The following C8orf82 variants were observed in gnomAD, a reference collection of about 807,000 sequenced individuals.
C8orf82 encodes the protein chromosome 8 open reading frame 82.
A neutral mutation model predicts 15.0 loss-of-function variants in C8orf82; 24 were observed. That is an observed-to-expected ratio of 1.60 (90% confidence interval 1.16 to 2.24). The LOEUF is 2.24. Ranked by LOEUF, C8orf82 falls within the 30% of genes most tolerant of loss-of-function variation. The probability of loss-of-function intolerance (pLI) is 0.00; values close to 1 mark genes in which losing one functional copy is unlikely to be tolerated. For synonymous variants in C8orf82, 205 were observed against 152.2 expected, an observed-to-expected ratio of 1.35 and a Z score of -2.55; for missense variants, 388 against 317.4, an observed-to-expected ratio of 1.22 and a Z score of -1.69.
chr8:144,527,330 C>A lies in C8orf82; in HGVS notation c.*12G>T. ...AGGCGCCCGCGGCCTCCCGCCTTTC[C>A]CTTGGCCCCGCTCAGGGCGACCGAG... On this transcript the variant is annotated 3_prime_UTR_variant, in exon 3 of 3. Coordinates refer to ENST00000524821, the MANE Select transcript of C8orf82 (RefSeq NM_001001795.2). The A allele has an allele frequency of 8.5e-7, 1 of 1,171,090 alleles. No homozygotes were observed. Among genetic ancestry groups the A allele is most frequent in the South Asian group, 3.5e-5 (1 of 28,566 alleles). 72.5% of individuals were successfully genotyped at this position (1,171,090 alleles called of 1,614,324 possible). A position where few individuals can be genotyped will look rare whatever the true frequency, so the allele number is the denominator to read the frequency against.
At chr8:144,528,460 C>T (rs1435651618) in intron 1 of C8orf82, 7 of 1,474,874 alleles carry the variant, frequency 4.7e-6, no homozygotes, top group Non-Finnish European at 6.3e-6. Context: ...AAGTCAGCGC[C>T]GGGGCTGGGG....
Position 144,528,846 on chromosome 8 carries a change from C to G in C8orf82, c.71G>C (p.Gly24Ala). ...CTGCGTGTAGGAAACGCCCCCATCC[C>G]CGCTGCAGGCCCGGGCTCCCCGCGA... ...ARSRGARACS[G>A]DGGVSYTQGQ... The change falls in exon 1 of 3, where the codon GGG becomes GCG. Residue 24 changes from glycine (G) to alanine (A), a missense_variant. By Grantham distance (60) the Gly-to-Ala change is moderately conservative. Transcript: ENST00000524821. 1 of 1,519,488 alleles carries G rather than the reference C, an allele frequency of 6.6e-7. No individual in the cohort carries two copies. The allele number at this position is 1,519,488 out of a possible 1,614,324, so 94.1% of individuals were successfully genotyped here. A position where few individuals can be genotyped will look rare whatever the true frequency, so the allele number is the denominator to read the frequency against.
At position 144,527,193 on chromosome 8, in the gene C8orf82, C is replaced by G; in HGVS notation, c.*149G>C. The G allele has an allele frequency of 2.1e-6, 1 of 468,906 alleles. No individual in the cohort carries two copies. Among genetic ancestry groups the G allele is most frequent in the Non-Finnish European group, 3.0e-6 (1 of 329,326 alleles). The allele number at this position is 468,906 out of a possible 1,614,324, so 29.0% of individuals were successfully genotyped here. ...CCGGGAGGGCCGGGCCGCGGCAGCACCAAGGACAGCGCCGGGTGGGGGCGG... is the reference window on the plus strand; with the variant it reads ...CCGGGAGGGCCGGGCCGCGGCAGCAGCAAGGACAGCGCCGGGTGGGGGCGG... On this transcript the variant is annotated 3_prime_UTR_variant, in exon 3 of 3. Transcript: ENST00000524821.
chr8:144,526,298 A>T lies in C8orf82; in HGVS notation c.*1044T>A, dbSNP rs184782222. ...CCCAGATGTCTCAGGACGCGTGTGA[A>T]CCCCAAGAAGTTGGGGGCGTTATCT... On this transcript the variant is annotated 3_prime_UTR_variant, in exon 3 of 3. Transcript: ENST00000524821. 52 of 152,304 alleles carry T rather than the reference A, an allele frequency of 3.4e-4. No homozygotes were observed. The highest frequency in any genetic ancestry group is 3.1e-3 in the Admixed American group (48 of 15,306). 9.4% of individuals were successfully genotyped at this position (152,304 alleles called of 1,614,324 possible). A position where few individuals can be genotyped will look rare whatever the true frequency, so the allele number is the denominator to read the frequency against.
Position 144,527,442 on chromosome 8 carries a change from G to T in C8orf82, c.551C>A (p.Pro184His). ...FELSACFEYGPGAPALPSHVR... is the reference protein window; with the variant it reads ...FELSACFEYGHGAPALPSHVR... The stretch of plus-strand genomic sequence containing the variant: ...GTGCGAGGGCAGCGCAGGCGCGCCG[G>T]GCCCGTACTCGAAGCAGGCGCTGAG... The change falls in exon 3 of 3, where the codon CCC becomes CAC. Residue 184 changes from proline to histidine, a missense_variant. Physicochemically the swap from Pro to His is moderately conservative, Grantham distance 77. Coordinates refer to ENST00000524821, the MANE Select transcript of C8orf82 (RefSeq NM_001001795.2). The T allele has an allele frequency of 8.1e-7, 1 of 1,240,424 alleles. No individual in the cohort carries two copies. The highest frequency in any genetic ancestry group is 1.0e-6 in the Non-Finnish European group (1 of 989,848). 76.8% of individuals were successfully genotyped at this position (1,240,424 alleles called of 1,614,324 possible).
chr8:144,528,616 C>CCCGGGGGGGGGGGGG, intron 1 of C8orf82, 145 bp downstream of exon 1: 2 of 296,000 alleles, frequency 6.8e-6, no homozygotes, highest in Non-Finnish European at 1.0e-5. Context: ...GCGCAGGCCC[C>CCCGGGGGGGGGGGGG]GCCCACCCAC....
rs1371957467 is a variant in C8orf82 at position 144,527,291 on chromosome 8, G to C, written c.*51C>G. On this transcript the variant is annotated 3_prime_UTR_variant, in exon 3 of 3. Coordinates refer to ENST00000524821, the MANE Select transcript of C8orf82 (RefSeq NM_001001795.2). ...GGCTTTCCGGGGCGTGGAGTCCCGG[G>C]GGAGCGGGGCGAGAGGCGCCCGCGG... 7 of 1,127,542 alleles carry C rather than the reference G, an allele frequency of 6.2e-6. No individual in the cohort carries two copies. Among genetic ancestry groups the C allele is most frequent in the Non-Finnish European group, 7.7e-6 (7 of 913,650 alleles). The allele number at this position is 1,127,542 out of a possible 1,614,324, so 69.8% of individuals were successfully genotyped here.
chr8:144,528,737 A>G, intron 1 of C8orf82, 24 bp downstream of exon 1: 1 of 927,950 alleles, frequency 1.1e-6, no homozygotes, highest in Non-Finnish European at 1.4e-6. Context: ...CCGCCTCTCG[A>G]GCAACGGCCC....
intron 1 of C8orf82, 65 bp downstream of exon 1, chr8:144,528,689 GCCCCCCC>G: frequency 1.5e-5 from 1 of 68,850 alleles, no homozygotes; most frequent in Non-Finnish European, 3.1e-5. Flanking sequence ...ACAGAGCCAC[GCCCCCCC>G]CCCCGCCCCG....
rs957800511 is a variant in C8orf82, at chr8:144,528,822, T to C, written c.95A>G (p.Gln32Arg). ...CSGDGGVSYTQGQSPEPRTRE... is the reference protein window; with the variant it reads ...CSGDGGVSYTRGQSPEPRTRE... ...GGTCCGCGGCTCCGGACTCTGGCCCTGCGTGTAGGAAACGCCCCCATCCCC... is the reference window on the plus strand; with the variant it reads ...GGTCCGCGGCTCCGGACTCTGGCCCCGCGTGTAGGAAACGCCCCCATCCCC... Residue 32 changes from glutamine (Q) to arginine (R), a missense_variant, in exon 1 of 3, where the codon CAG becomes CGG. Gln to Arg is a conservative substitution (Grantham distance 43). Coordinates refer to ENST00000524821, the MANE Select transcript of C8orf82 (RefSeq NM_001001795.2). The C allele has an allele frequency of 2.6e-6, 4 of 1,517,964 alleles. No individual in the cohort carries two copies. The East Asian group carries it at 8.3e-5, about 32-fold the overall frequency. The allele number at this position is 1,517,964 out of a possible 1,614,324, so 94.0% of individuals were successfully genotyped here.
At chr8:144,527,955 G>A (rs755572630) in intron 2 of C8orf82, 69 bp downstream of exon 2, 1 of 1,554,950 alleles carries the variant, frequency 6.4e-7, no homozygotes, top group Non-Finnish European at 8.9e-7. Context: ...CGTCGGCAGA[G>A]TCGGGGAGCC....
In C8orf82 at chr8:144,528,857, C is replaced by T. The variant is rs1816510792; in HGVS notation, c.60G>A (p.Arg20=). The change falls in exon 1 of 3, where the codon CGG becomes CGA. Residue 20 remains arginine, a synonymous_variant. Coordinates refer to ENST00000524821, the MANE Select transcript of C8orf82 (RefSeq NM_001001795.2). ...TLALARSRGA[R]ACSGDGGVSY... ...AAACGCCCCCATCCCCGCTGCAGGC[C>T]CGGGCTCCCCGCGACCGCGCCAAGG... 6.6e-7 allele frequency: 1 copy of T among 1,519,316 alleles called. No homozygotes were observed. The highest frequency in any genetic ancestry group is 1.2e-5 in the South Asian group (1 of 80,382). The allele number at this position is 1,519,316 out of a possible 1,614,324, so 94.1% of individuals were successfully genotyped here.
chr8:144,528,610 A>AGGG, intron 1 of C8orf82, 151 bp downstream of exon 1: 1 of 368,240 alleles, frequency 2.7e-6, no homozygotes, highest in Non-Finnish European at 3.9e-6. Context: ...CCCACCGCGC[A>AGGG]GGCCCCGCCC....
chr8:144,528,778 CGTA>C lies in C8orf82; in HGVS notation c.136_138del (p.Tyr46del), dbSNP rs1275519056. 3 of 1,425,002 alleles carry C rather than the reference CGTA, an allele frequency of 2.1e-6. No individual in the cohort carries two copies. The highest frequency in any genetic ancestry group is 2.8e-6 in the Non-Finnish European group (3 of 1,083,874). 88.3% of individuals were successfully genotyped at this position (1,425,002 alleles called of 1,614,324 possible). A position where few individuals can be genotyped will look rare whatever the true frequency, so the allele number is the denominator to read the frequency against. ...CCGCCCACCTGGCCCTGGTGGTCCA[CGTA>C]GTAGAAATACTCGCGGGTCCGCGGC... is the stretch of plus-strand genomic sequence containing the variant. On this transcript the variant is annotated inframe_deletion, in exon 1 of 3. Coordinates refer to ENST00000524821, the MANE Select transcript of C8orf82 (RefSeq NM_001001795.2).
At chr8:144,528,456 G>A (rs1055079508) in intron 1 of C8orf82, 14 of 1,476,468 alleles carry the variant, frequency 9.5e-6, no homozygotes, top group South Asian at 2.5e-5. Flanking sequence ...CGAGAAGTCA[G>A]CGCCGGGGCT....
chr8:144,528,740 A>G (rs1816500308), intron 1 of C8orf82, 21 bp downstream of exon 1: 2 of 1,080,284 alleles, frequency 1.9e-6, no homozygotes, highest in Admixed American at 5.0e-5. Flanking sequence ...CCTCTCGAGC[A>G]ACGGCCCTGC....
Position 144,527,417 on chromosome 8 carries a change from G to A in C8orf82, c.576C>T (p.His192=). Residue 192 remains histidine, a synonymous_variant, in exon 3 of 3, where the codon CAC becomes CAT. Coordinates refer to ENST00000524821, the MANE Select transcript of C8orf82 (RefSeq NM_001001795.2). ...CGAGGCGGCGGCCCTGCCAGCGCAC[G>A]TGCGAGGGCAGCGCAGGCGCGCCGG... ...YGPGAPALPS[H]VRWQGRRLAL... is the part of the protein sequence containing the mutation. 7 of 1,240,790 alleles carry A rather than the reference G, an allele frequency of 5.6e-6. No homozygotes were observed. Among genetic ancestry groups the A allele is most frequent in the South Asian group, 2.3e-5 (1 of 43,550 alleles). The allele number at this position is 1,240,790 out of a possible 1,614,324, so 76.9% of individuals were successfully genotyped here.
intron 1 of C8orf82, chr8:144,528,444 G>C: frequency 4.7e-6 from 7 of 1,479,988 alleles, no homozygotes; most frequent in Non-Finnish European, 5.4e-6. Flanking sequence ...CCCTGGCAGC[G>C]GCGAGAAGTC....
At chr8:144,527,825 C>T (rs1442075259) in intron 2 of C8orf82, 38 bp from the exon 3 acceptor site, 4 of 1,581,450 alleles carry the variant, frequency 2.5e-6, no homozygotes, top group Non-Finnish European at 3.4e-6. Context: ...GCGCGCTGGG[C>T]TCCCAAGGCC....
Sources: gnomAD v4.1 joint callset for allele counts on GRCh38, gnomAD v4.1.1 for gene constraint, MANE v1.5 for transcripts, NCBI Gene and HGNC (gene_info 2026-07-23, HGNC 2026-07-21) for gene names.